Variants in FLII observed in about 807,000 individuals in gnomAD.
FLII encodes protein flightless-1 homolog.
FLII carries 101 observed loss-of-function variants against 156.2 expected under a neutral mutation model. The ratio of observed to expected loss-of-function variants is 0.65; its 90% CI spans 0.55 to 0.76. The LOEUF (loss-of-function observed/expected upper bound fraction) is 0.76, where lower values mean the gene tolerates loss of function less well. Ranked by LOEUF, FLII falls within the 30% of genes least tolerant of loss-of-function variation. The pLI is 0.00. For missense variants in FLII, 1,675 were observed against 1,682.8 expected (o/e 1.00, Z 0.08); for synonymous variants, 767 against 685.8 (o/e 1.12, Z -1.85).
chr17:18,247,427 C>A, intron 20 of FLII, 70 bp from the exon 21 acceptor site: 1 of 1,441,572 alleles, frequency 6.9e-7, no homozygotes, highest in Non-Finnish European at 9.5e-7. Flanking sequence ...TAGCCCGAGG[C>A]TTGAGGCGGG....
chr17:18,252,114 G>C lies in FLII; in HGVS notation c.1131C>G (p.Val377=). ...VLDVRENPNL[V]MPPKPADRAA... is the part of the protein sequence containing the mutation. ...CACGGTCTGCGGGCTTGGGCGGCAT[G>C]ACCAGGTTGGGGTTCTCCCGCACAT... The change falls in exon 11 of 30, where the codon GTC becomes GTG. Residue 377 remains valine, a synonymous_variant. Coordinates refer to ENST00000327031, the MANE Select transcript of FLII (RefSeq NM_002018.4). 6.2e-7 allele frequency: 1 copy of C among 1,613,378 alleles called. No individual in the cohort carries two copies. The highest frequency in any genetic ancestry group is 8.5e-7 in the Non-Finnish European group (1 of 1,180,028).
chr17:18,253,128 C>T (rs755131974), intron 9 of FLII, among the ~76,000 whole-genome samples, 173 bp downstream of exon 9: 8 of 152,090 alleles, frequency 5.3e-5, no homozygotes, highest in Non-Finnish European at 1.2e-4. Context: ...CCAGCCCAGG[C>T]GACAGAGCGA....
chr17:18,245,482 C>T lies in FLII; in HGVS notation c.3610-63G>A. On this transcript the variant is annotated intron_variant, in intron 28 of 29. Transcript: ENST00000327031. ...CCTGGGAACAGCCCCTTGCTCCTGG[C>T]CCGAGAATTCCCATTTGTAAGTAAG... is the stretch of plus-strand genomic sequence containing the variant. 3.7e-6 allele frequency: 6 copies of T among 1,612,158 alleles called. No homozygotes were observed. The Admixed American group carries it at 1.0e-4, about 27-fold the overall frequency.
At chr17:18,256,397 T>C in intron 3 of FLII, 129 bp downstream of exon 3, 1 of 706,708 alleles carries the variant, frequency 1.4e-6, no homozygotes, top group Non-Finnish European at 2.5e-6. Context: ...CTGTGACACC[T>C]GAGCCTCTGA....
chr17:18,258,845 G>A (rs2048510537), upstream of FLII: 2 of 358,964 alleles, frequency 5.6e-6, no homozygotes, highest in Non-Finnish European at 9.3e-6. This position sits in a 1 kb window ranked among gnomAD's most constrained non-coding sequence, Gnocchi z 4.2. Context: ...GGCCTCTTAG[G>A]GCCTCAGTTT....
intron 23 of FLII, 47 bp downstream of exon 23, chr17:18,246,547 C>T (rs761250060): frequency 6.2e-7 from 1 of 1,612,056 alleles, no homozygotes. Context: ...CTGAGCCCCA[C>T]CACACCCCTC....
Position 18,258,392 on chromosome 17 carries a change from G to T in FLII, c.63+236C>A. On this transcript the variant is annotated intron_variant, in intron 1 of 29. Coordinates refer to ENST00000327031, the MANE Select transcript of FLII (RefSeq NM_002018.4). This position sits in a 1 kb window ranked among gnomAD's most constrained non-coding sequence, Gnocchi z 4.2. Reference sequence around the variant, plus strand: ...GGGGCTCCCGGCCGGGCCCCCGGCGGGACTCCGAGCCCAAGCGTCCGTCCC... The same window carrying T: ...GGGGCTCCCGGCCGGGCCCCCGGCGTGACTCCGAGCCCAAGCGTCCGTCCC... 8.1e-7 allele frequency: 1 copy of T among 1,228,846 alleles called. No individual in the cohort carries two copies. The highest frequency in any genetic ancestry group is 1.1e-6 in the Non-Finnish European group (1 of 898,954). 76.1% of individuals were successfully genotyped at this position (1,228,846 alleles called of 1,614,324 possible).
In FLII at chr17:18,252,115, A is replaced by T. The variant is rs777185868; in HGVS notation, c.1130T>A (p.Val377Asp). The change falls in exon 11 of 30, where the codon GTC becomes GAC. Residue 377 changes from valine (V) to aspartate (D), a missense_variant. Physicochemically the swap from Val to Asp is radical, Grantham distance 152. Around this residue, in one of 2 missense-constraint regions of FLII, gnomAD observed 1,332 missense variants for 1,269.3 expected, o/e 1.05. Coordinates refer to ENST00000327031, the MANE Select transcript of FLII (RefSeq NM_002018.4). ...ACGGTCTGCGGGCTTGGGCGGCATG[A>T]CCAGGTTGGGGTTCTCCCGCACATC... is the stretch of plus-strand genomic sequence containing the variant. ...VLDVRENPNL[V>D]MPPKPADRAA... is the part of the protein sequence containing the mutation. 10 of 1,613,364 alleles carry T rather than the reference A, an allele frequency of 6.2e-6. No individual in the cohort carries two copies. In the South Asian group the frequency reaches 1.1e-4, roughly 18 times the overall value.
Position 18,248,484 on chromosome 17 carries a change from T to A in FLII, c.2190+66A>T. On this transcript the variant is annotated intron_variant, in intron 18 of 29. Transcript: ENST00000327031. ...GCCCAAAGCCAACTACATCGGTGTG[T>A]AGTCCATTCCCCCAGTCGGTGGGTG... 7 of 1,468,120 alleles carry A rather than the reference T, an allele frequency of 4.8e-6. 1 individual carries two copies. In the South Asian group the frequency reaches 8.7e-5, roughly 18 times the overall value. 90.9% of individuals were successfully genotyped at this position (1,468,120 alleles called of 1,614,324 possible). A position where few individuals can be genotyped will look rare whatever the true frequency, so the allele number is the denominator to read the frequency against.
rs755466851 is a variant in FLII, at chr17:18,245,546, A to G, written c.3609+9T>C. The G allele has an allele frequency of 3.7e-6, 6 of 1,613,370 alleles. No homozygotes were observed. The highest frequency in any genetic ancestry group is 1.6e-4 in the Middle Eastern group (1 of 6,062). ...CCTTGGATGGGCAGGGCTAGTGGCAACATCACACCTCTTGGCCATTGTCTA... is the reference window on the plus strand; with the variant it reads ...CCTTGGATGGGCAGGGCTAGTGGCAGCATCACACCTCTTGGCCATTGTCTA... On this transcript the variant is annotated intron_variant, in intron 28 of 29. Coordinates refer to ENST00000327031, the MANE Select transcript of FLII (RefSeq NM_002018.4).
rs765913731 is a variant in FLII, at chr17:18,253,287, G to A, written c.1013+14C>T. On this transcript the variant is annotated intron_variant, in intron 9 of 29. Coordinates refer to ENST00000327031, the MANE Select transcript of FLII (RefSeq NM_002018.4). ...GCTGCAAGTGCCTCTGCTAGCCCCA[G>A]CCCTGCCCAGCACCTGCAGAGACTT... 6 of 1,613,614 alleles carry A rather than the reference G, an allele frequency of 3.7e-6. No individual in the cohort carries two copies. Among genetic ancestry groups the A allele is most frequent in the Non-Finnish European group, 5.1e-6 (6 of 1,179,938 alleles).
At chr17:18,248,528 G>A (rs1380374961) in intron 18 of FLII, 22 bp downstream of exon 18, 4 of 1,580,622 alleles carry the variant, frequency 2.5e-6, no homozygotes, top group Non-Finnish European at 3.4e-6. Flanking sequence ...AGGCCAAGGT[G>A]GGCCTCAGCA....
At position 18,246,197 on chromosome 17, in the gene FLII, T is replaced by C; in HGVS notation, c.3232A>G (p.Ser1078Gly). The C allele has an allele frequency of 6.2e-7, 1 of 1,614,092 alleles. No homozygotes were observed. Among genetic ancestry groups the C allele is most frequent in the Non-Finnish European group, 8.5e-7 (1 of 1,180,014 alleles). ...TRCIQINTDS[S>G]LLNSEFCFIL... The stretch of plus-strand genomic sequence containing the variant: ...AAGCAGAACTCGGAGTTGAGGAGGC[T>C]GGAGTCGGTGTTGATCTGGATGCAC... Residue 1078 changes from serine to glycine, a missense_variant, in exon 25 of 30, where the codon AGC (serine) becomes GGC (glycine). Ser to Gly is a moderately conservative substitution (Grantham distance 56, BLOSUM62 0). Transcript: ENST00000327031.
rs1445725152 is a variant in FLII, at chr17:18,258,499, C to T, written c.63+129G>A. ...CATTCCTGGCCAGGGGAGAGCCCCA[C>T]CCCGCCCCGGCCGCAGTCCCTGGGA... On this transcript the variant is annotated intron_variant, in intron 1 of 29. Transcript: ENST00000327031. The surrounding 1 kb of genome is among the most constrained non-coding windows in gnomAD (Gnocchi z 4.2). 2 of 1,505,862 alleles carry T rather than the reference C, an allele frequency of 1.3e-6. No homozygotes were observed. Among genetic ancestry groups the T allele is most frequent in the South Asian group, 2.5e-5 (2 of 80,828 alleles). The allele number at this position is 1,505,862 out of a possible 1,614,324, so 93.3% of individuals were successfully genotyped here. A position where few individuals can be genotyped will look rare whatever the true frequency, so the allele number is the denominator to read the frequency against.
intron 4 of FLII, 115 bp downstream of exon 4, chr17:18,255,068 G>C: frequency 1.0e-6 from 1 of 973,886 alleles, no homozygotes; most frequent in Non-Finnish European, 1.7e-6. Context: ...TCCACTCCAA[G>C]ACTCAGTTTT....
chr17:18,251,856 G>T (rs575632832), intron 11 of FLII, 40 bp from the exon 12 acceptor site: 45 of 1,611,950 alleles, frequency 2.8e-5, no homozygotes, highest in Non-Finnish European at 3.6e-5. Flanking sequence ...CACTGGGCCT[G>T]CTGCCCCCTT....
In FLII at chr17:18,247,773, T is replaced by C. The variant is rs772180003; in HGVS notation, c.2371A>G (p.Lys791Glu). ...GCAGCGCGCACCAGGCGCGGGGACT[T>C]GCGGCCGAGCCAGATGAACACGTCG... Reference protein sequence around the residue: ...WSDVFIWLGRKSPRLVRAAAL... With the variant: ...WSDVFIWLGRESPRLVRAAAL... Residue 791 changes from lysine (K) to glutamate (E), a missense_variant, in exon 20 of 30, where the codon AAG becomes GAG. Lys to Glu is a moderately conservative substitution (Grantham distance 56). This residue lies in a region of FLII where 1,332 missense variants were observed against 1,269.3 expected (regional missense o/e 1.05). Transcript: ENST00000327031. 1.1e-5 allele frequency: 17 copies of C among 1,609,704 alleles called. No individual in the cohort carries two copies. The highest frequency in any genetic ancestry group is 4.2e-6 in the Non-Finnish European group (5 of 1,179,942).
chr17:18,245,694 C>A, intron 27 of FLII, 34 bp from the exon 28 acceptor site: 1 of 1,612,378 alleles, frequency 6.2e-7, no homozygotes, highest in South Asian at 1.1e-5. Context: ...GGCCAGAGGT[C>A]ATAAGCAGCA....
chr17:18,257,199 C>G, intron 1 of FLII, 180 bp from the exon 2 acceptor site: 1 of 550,618 alleles, frequency 1.8e-6, no homozygotes, highest in Non-Finnish European at 3.2e-6. Flanking sequence ...AATTTTAAGC[C>G]CCCCCGTGAC....
Sources: gnomAD v4.1 joint callset for allele counts (sites outside exome capture counted in the v4.1 genomes callset) on GRCh38, gnomAD v4.1.1 for gene constraint, gnomAD v4.1.1 regional missense constraint, Gnocchi (gnomAD v3.1) non-coding constraint, MANE v1.5 for transcripts, NCBI Gene and HGNC (gene_info 2026-07-23, HGNC 2026-07-21) for gene names.